ZNF667: variants seen among roughly 807,000 people sequenced by gnomAD.
ZNF667 encodes the protein myocardial ischemic preconditioning upregulated 1 ortholog.
A neutral mutation model predicts 31.8 loss-of-function variants in ZNF667; 13 were observed. That is an observed-to-expected ratio of 0.41 (90% confidence interval 0.27 to 0.65). ZNF667 has a LOEUF of 0.65. Ranked by LOEUF, ZNF667 falls within the 30% of genes least tolerant of loss-of-function variation. The pLI is 0.32. For synonymous variants in ZNF667, 228 were observed against 247.1 expected, an observed-to-expected ratio of 0.92 and a Z score of 0.73; for missense variants, 642 against 725.6, an observed-to-expected ratio of 0.88 and a Z score of 1.32.
intron 3 of ZNF667, among the ~76,000 whole-genome samples, chr19:56,467,459 A>G (rs1343961787): frequency 6.6e-6 from 1 of 152,156 alleles, no homozygotes; most frequent in African/African-American, 2.4e-5. Context: ...AGTTTTCCAC[A>G]CACCAAGCAA....
intron 3 of ZNF667, among the ~76,000 whole-genome samples, chr19:56,465,500 A>C (rs2043139397): frequency 6.6e-6 from 1 of 152,222 alleles, no homozygotes. Flanking sequence ...AAGATGAATA[A>C]ATGTTCCATG....
At chr19:56,466,926 C>A (rs1166247757) in intron 3 of ZNF667, 1 of 445,284 alleles carries the variant, frequency 2.2e-6, no homozygotes. Flanking sequence ...TCTGAGAACA[C>A]CCTACTCTAT....
intron 6 of ZNF667, among the ~76,000 whole-genome samples, chr19:56,443,652 G>A (rs935835197): frequency 6.6e-6 from 1 of 152,126 alleles, no homozygotes; most frequent in Non-Finnish European, 1.5e-5. Context: ...TATGTAGTCT[G>A]TTGTTGACTG....
At chr19:56,457,481 C>A (rs1600428740) in intron 6 of ZNF667, among the ~76,000 whole-genome samples, 1 of 152,062 alleles carries the variant, frequency 6.6e-6, no homozygotes, top group East Asian at 1.9e-4. Context: ...AGTCAACAAA[C>A]CTCTCTGGGC....
chr19:56,470,862 G>A (rs1256099473), intron 3 of ZNF667, among the ~76,000 whole-genome samples: 2 of 152,192 alleles, frequency 1.3e-5, no homozygotes, highest in African/African-American at 4.8e-5. Context: ...ATTCTGGGCT[G>A]TGTTAGACCC....
At chr19:56,462,474 G>T in intron 3 of ZNF667, 45 bp from the exon 4 acceptor site, 1 of 1,284,582 alleles carries the variant, frequency 7.8e-7, no homozygotes, top group Non-Finnish European at 1.1e-6. Flanking sequence ...GAGTCCACAG[G>T]CCCCTACCTA....
chr19:56,471,661 T>A (rs889919370), intron 3 of ZNF667, 38 bp downstream of exon 3: 1 of 152,308 alleles, frequency 6.6e-6, no homozygotes, highest in South Asian at 2.1e-4. Context: ...TAAATCTGGG[T>A]TTGTGTTAAT....
intron 3 of ZNF667, among the ~76,000 whole-genome samples, chr19:56,470,967 T>C (rs898479008): frequency 1.3e-5 from 2 of 152,196 alleles, no homozygotes; most frequent in Non-Finnish European, 2.9e-5. Context: ...TACTCTGATA[T>C]GGTTTGGATC....
chr19:56,448,736 C>T (rs143254669), intron 6 of ZNF667, among the ~76,000 whole-genome samples: 2 of 152,196 alleles, frequency 1.3e-5, no homozygotes, highest in South Asian at 2.1e-4. Context: ...GAAGGCAACT[C>T]GCTGCCCTAA....
At position 56,442,010 on chromosome 19, in the gene ZNF667, G is replaced by A; in HGVS notation, c.985C>T (p.Pro329Ser). ...TTCCCACATTTTCTGCATTTAAAAG[G>A]ATTCTCTAAATGGTGACTTCTTTGC... is the stretch of plus-strand genomic sequence containing the variant. ...LQQRSHHLENPFKCRKCGKLF... is the reference protein window; with the variant it reads ...LQQRSHHLENSFKCRKCGKLF... The change falls in exon 7 of 7, where the codon CCT (proline) becomes TCT (serine). Residue 329 changes from proline to serine, a missense_variant. Coordinates refer to ENST00000504904, the MANE Select transcript of ZNF667 (RefSeq NM_001321356.2). The A allele has an allele frequency of 6.2e-7, 1 of 1,614,006 alleles. No homozygotes were observed. The highest frequency in any genetic ancestry group is 1.3e-5 in the African/African-American group (1 of 75,028).
intron 5 of ZNF667, among the ~76,000 whole-genome samples, chr19:56,459,644 C>A (rs1218877134): frequency 6.6e-6 from 1 of 152,216 alleles, no homozygotes; most frequent in African/African-American, 2.4e-5. Flanking sequence ...CTCTGTGTTA[C>A]ATCAATGTCC....
intron 6 of ZNF667, among the ~76,000 whole-genome samples, chr19:56,446,981 C>G (rs958596012): frequency 6.6e-6 from 1 of 152,080 alleles, no homozygotes; most frequent in Admixed American, 6.6e-5. Context: ...TGTGGAAATC[C>G]TTAAACCACA....
intron 3 of ZNF667, 63 bp from the exon 4 acceptor site, chr19:56,462,492 GAC>G (rs150437906): frequency 3.1e-3 from 2,685 of 862,924 alleles, no homozygotes; most frequent in Admixed American, 4.5e-3. Context: ...CTAACCTGGA[GAC>G]ACACACACAC....
chr19:56,460,873 G>T, intron 4 of ZNF667, 58 bp from the exon 5 acceptor site: 1 of 1,505,050 alleles, frequency 6.6e-7, no homozygotes, highest in Non-Finnish European at 8.9e-7. Flanking sequence ...CATGGCTGGA[G>T]GAAATGGTGC....
At chr19:56,463,377 C>A (rs1337043073) in intron 3 of ZNF667, among the ~76,000 whole-genome samples, 2 of 152,084 alleles carry the variant, frequency 1.3e-5, no homozygotes, top group Non-Finnish European at 1.5e-5. Flanking sequence ...GGTCAGATCG[C>A]CTCCTCAAGA....
intron 4 of ZNF667, among the ~76,000 whole-genome samples, chr19:56,461,831 A>G (rs1163987831): frequency 6.6e-6 from 1 of 152,230 alleles, no homozygotes; most frequent in East Asian, 1.9e-4. Flanking sequence ...AGTGCAGTCA[A>G]TGGAATAGCA....
chr19:56,461,089 C>T (rs561628308), intron 4 of ZNF667, among the ~76,000 whole-genome samples: 1 of 152,308 alleles, frequency 6.6e-6, no homozygotes, highest in South Asian at 2.1e-4. Flanking sequence ...CTTCTAAGCA[C>T]CTGACTGTAC....
upstream of ZNF667, chr19:56,477,930 A>G (rs1020300846): frequency 6.6e-5 from 10 of 152,478 alleles, no homozygotes; most frequent in African/African-American, 2.4e-4. Context: ...CGTGAGGTGA[A>G]GAAGGCTTGG....
At chr19:56,460,857 C>G (rs183422298) in intron 4 of ZNF667, 42 bp from the exon 5 acceptor site, 3 of 1,532,634 alleles carry the variant, frequency 2.0e-6, no homozygotes, top group Non-Finnish European at 1.8e-6. Context: ...TGGACTTGTG[C>G]TTCCACATGG....
Sources: gnomAD v4.1 joint callset for allele counts (sites outside exome capture counted in the v4.1 genomes callset) on GRCh38, gnomAD v4.1.1 for gene constraint, MANE v1.5 for transcripts, NCBI Gene and HGNC (gene_info 2026-07-23, HGNC 2026-07-21) for gene names.